The following NDUFAF6 variants were observed in gnomAD, a reference collection of about 807,000 sequenced individuals.
NDUFAF6 encodes NADH dehydrogenase (ubiquinone) complex I, assembly factor 6.
NDUFAF6 carries 45 observed loss-of-function variants against 40.8 expected under a neutral mutation model. That is an observed-to-expected ratio of 1.10 (90% CI 0.87 to 1.42). NDUFAF6 has a LOEUF of 1.42. Among genes scored for constraint, NDUFAF6 ranks in the 40% most tolerant of loss-of-function variants. NDUFAF6 has a pLI of 0.00. For synonymous variants in NDUFAF6, 185 were observed against 155.9 expected (o/e 1.19, Z -1.39); for missense variants, 435 against 418.5 (o/e 1.04, Z -0.34).
chr8:95,106,033 T>C (rs1809833540), downstream of NDUFAF6, among the ~76,000 whole-genome samples: 1 of 151,634 alleles, frequency 6.6e-6, no homozygotes, highest in Non-Finnish European at 1.5e-5. Context: ...CCCAGCACTT[T>C]GGGAGGCCGA....
chr8:95,089,496 G>A (rs965357947), intron 2 of NDUFAF6, among the ~76,000 whole-genome samples: 3 of 152,060 alleles, frequency 2.0e-5, no homozygotes, highest in Non-Finnish European at 4.4e-5. Flanking sequence ...GGACAAGATT[G>A]TCAATATTCT....
At chr8:95,011,020 G>A (rs940688310) in intron 2 of NDUFAF6, among the ~76,000 whole-genome samples, 5 of 152,270 alleles carry the variant, frequency 3.3e-5, no homozygotes, top group Admixed American at 6.5e-5. Context: ...CTTGTCTACC[G>A]CCTGCCTCCA....
chr8:95,000,408 A>G (rs1174981207), intron 2 of NDUFAF6, among the ~76,000 whole-genome samples: 1 of 152,156 alleles, frequency 6.6e-6, no homozygotes, highest in Non-Finnish European at 1.5e-5. Context: ...CTTAGACACT[A>G]TGATACATGC....
intron 1 of NDUFAF6, among the ~76,000 whole-genome samples, chr8:94,966,126 G>A (rs1479228825): frequency 6.6e-6 from 1 of 152,154 alleles, no homozygotes; most frequent in Non-Finnish European, 1.5e-5. Context: ...AGATACTCAT[G>A]AGGTACAGGC....
chr8:95,116,124 C>T lies in NDUFAF6; in HGVS notation n.547-146C>T, dbSNP rs181678211. On this transcript the variant is annotated intron_variant and non_coding_transcript_variant, in intron 5 of 5. Coordinates refer to the NDUFAF6 transcript ENST00000523184. Reference sequence around the variant, plus strand: ...CTGCACTCCAGCCTGGGCGAAAGAGCGAAACTCCATCTCAAAACAAAACAA... The same window carrying T: ...CTGCACTCCAGCCTGGGCGAAAGAGTGAAACTCCATCTCAAAACAAAACAA... 161 of 159,036 alleles carry T rather than the reference C, an allele frequency of 1.0e-3. 2 individuals are homozygous for T. Among genetic ancestry groups the T allele is most frequent in the Non-Finnish European group, 3.5e-4 (26 of 73,754 alleles). The allele number at this position is 159,036 out of a possible 1,614,324, so 9.9% of individuals were successfully genotyped here. A position where few individuals can be genotyped will look rare whatever the true frequency, so the allele number is the denominator to read the frequency against.
At chr8:94,898,204 A>G (rs1223932366) in intron 1 of NDUFAF6, among the ~76,000 whole-genome samples, 3 of 152,144 alleles carry the variant, frequency 2.0e-5, no homozygotes, top group African/African-American at 7.2e-5. Context: ...TAATGAATCA[A>G]TGTCGATGTG....
At chr8:95,073,290 G>C (rs548339055) in intron 9 of NDUFAF6, 1 of 152,334 alleles carries the variant, frequency 6.6e-6, no homozygotes, top group South Asian at 2.1e-4. Context: ...AGGCCAAAGC[G>C]GGTCTCCCCG....
At chr8:95,076,774 G>A (rs1270853009), downstream of NDUFAF6, among the ~76,000 whole-genome samples, 6 of 151,964 alleles carry the variant, frequency 3.9e-5, no homozygotes, top group Non-Finnish European at 5.9e-5. Context: ...TTGGGAGGCT[G>A]AGGCAGGAGA....
At chr8:94,953,057 T>TA (rs1169610762), upstream of NDUFAF6, among the ~76,000 whole-genome samples, 1 of 152,178 alleles carries the variant, frequency 6.6e-6, no homozygotes, top group Admixed American at 6.5e-5. Flanking sequence ...TGTTAAAACT[T>TA]AGAGCAGAGG....
intron 1 of NDUFAF6, among the ~76,000 whole-genome samples, chr8:94,943,649 T>C (rs911647811): frequency 1.3e-5 from 2 of 152,258 alleles, no homozygotes; most frequent in African/African-American, 4.8e-5. Flanking sequence ...AGTTGGGATC[T>C]GTAGCTAATG....
chr8:95,076,637 G>GCTGAGGCAGGTGGATCAC (rs1479838769), downstream of NDUFAF6, among the ~76,000 whole-genome samples: 2 of 152,190 alleles, frequency 1.3e-5, no homozygotes, highest in Non-Finnish European at 2.9e-5. Flanking sequence ...ACTTTGGGAG[G>GCTGAGGCAGGTGGATCAC]CTGAGGCAGG....
chr8:95,028,723 G>A (rs998800438), intron 1 of NDUFAF6, among the ~76,000 whole-genome samples: 25 of 152,078 alleles, frequency 1.6e-4, no homozygotes, highest in African/African-American at 6.0e-4. Context: ...AGTGATTGGT[G>A]TCATTTCTAT....
chr8:95,057,708 TA>T, intron 8 of NDUFAF6, 100 bp from the exon 9 acceptor site: 1 of 953,986 alleles, frequency 1.0e-6, no homozygotes, highest in Non-Finnish European at 1.6e-6. Flanking sequence ...TCAGGGAAAC[TA>T]AAATAGCCTA....
chr8:95,083,000 C>T (rs1045912272), intron 2 of NDUFAF6, among the ~76,000 whole-genome samples: 4 of 152,042 alleles, frequency 2.6e-5, no homozygotes, highest in Admixed American at 6.5e-5. Flanking sequence ...AGGCTGGTCT[C>T]GAGCTCCTGG....
chr8:95,105,332 C>T (rs192964539), downstream of NDUFAF6, among the ~76,000 whole-genome samples: 177 of 151,206 alleles, frequency 1.2e-3, 1 homozygote, highest in East Asian at 6.1e-3. Flanking sequence ...CAAAATACTC[C>T]TCTTCTAAAA....
chr8:95,036,006 T>C lies in NDUFAF6; in HGVS notation c.420+430T>C, dbSNP rs1477163803. On this transcript the variant is annotated intron_variant, in intron 3 of 8. Coordinates refer to ENST00000396124, the MANE Select transcript of NDUFAF6 (RefSeq NM_152416.4). The stretch of plus-strand genomic sequence containing the variant: ...GGGCTGTAGAACATGTATTAATCTT[T>C]TGTGATGGGAGACTTGCTCTCAGTG... Among the ~76,000 whole-genome samples, 9 of 152,342 alleles carry C rather than the reference T, an allele frequency of 5.9e-5. No homozygotes were observed. The East Asian group carries it at 1.3e-3, about 23-fold the overall frequency.
chr8:94,980,215 A>G lies in NDUFAF6; in HGVS notation c.-198-644A>G, dbSNP rs192544328. ...CTTTTGTTCTTTATGCATTTTTATT[A>G]TATATATATATATTTTAAAAGAGTA... is the stretch of plus-strand genomic sequence containing the variant. On this transcript the variant is annotated intron_variant, in intron 1 of 9. Transcript: ENST00000396111. Among the ~76,000 whole-genome samples, 1,074 of 149,370 alleles carry G rather than the reference A, an allele frequency of 7.2e-3. 19 individuals are homozygous for G. The highest frequency in any genetic ancestry group is 0.024 in the African/African-American group (976 of 41,102).
Position 95,000,442 on chromosome 8 carries a change from C to T in NDUFAF6, c.-84+19469C>T, listed in dbSNP as rs561075195. ...GCTAGAGATACGGTGGGAAGGAAAA[C>T]GAAACTTGGCCTCTACCCTCATAGA... On this transcript the variant is annotated intron_variant, in intron 2 of 9. Coordinates refer to the NDUFAF6 transcript ENST00000396111. 3.9e-5 allele frequency among the ~76,000 whole-genome samples: 6 copies of T among 152,160 alleles called. No homozygotes were observed. In the South Asian group the frequency reaches 8.3e-4, roughly 21 times the overall value.
downstream of NDUFAF6, among the ~76,000 whole-genome samples, chr8:95,107,254 C>A (rs1282719507): frequency 6.6e-6 from 1 of 152,200 alleles, no homozygotes; most frequent in African/African-American, 2.4e-5. Context: ...CAATGATAGA[C>A]TGGATAAAGC....
Sources: allele counts gnomAD v4.1 joint callset (sites outside exome capture counted in the v4.1 genomes callset), GRCh38; gene constraint gnomAD v4.1.1; transcripts MANE v1.5; gene names NCBI Gene and HGNC (gene_info 2026-07-23, HGNC 2026-07-21).